The following RCBTB2 variants were observed in gnomAD, a reference collection of about 807,000 sequenced individuals.
RCBTB2 encodes the protein RCC1 and BTB domain-containing protein 2.
In RCBTB2, 55 loss-of-function variants were observed where a neutral mutation model predicts 65.4. The observed-to-expected ratio is 0.84, with a 90% confidence interval of 0.68 to 1.05. The LOEUF (loss-of-function observed/expected upper bound fraction) is 1.05, where lower values mean the gene tolerates loss of function less well. Among genes scored for constraint, RCBTB2 ranks in the 50% least tolerant of loss-of-function variants. RCBTB2 has a pLI of 0.00. For synonymous variants in RCBTB2, 220 were observed against 255.2 expected (o/e 0.86, Z 1.31); for missense variants, 599 against 680.1 (o/e 0.88, Z 1.33).
chr13:48,492,625 G>C (rs901389017), intron 14 of RCBTB2: 1 of 152,288 alleles, frequency 6.6e-6, no homozygotes, highest in Non-Finnish European at 1.5e-5. Flanking sequence ...TCAGTTCTCA[G>C]TCCTCGTGCA....
chr13:48,512,866 C>T lies in RCBTB2; in HGVS notation c.379G>A (p.Ala127Thr), dbSNP rs780168286. The T allele has an allele frequency of 6.2e-7, 1 of 1,613,032 alleles. No individual in the cohort carries two copies. Among genetic ancestry groups the T allele is most frequent in the Non-Finnish European group, 8.5e-7 (1 of 1,179,356 alleles). ...EGEVFTWGHN[A>T]YSQLGNGTTN... The stretch of plus-strand genomic sequence containing the variant: ...GTCCCATTGCCCAGCTGGCTATAAG[C>T]ATTATGACCCCAGGTAAAGACTTCT... Residue 127 changes from alanine to threonine, a missense_variant, in exon 7 of 15, where the codon GCT (alanine) becomes ACT (threonine). Coordinates refer to ENST00000344532, the MANE Select transcript of RCBTB2 (RefSeq NM_001268.4).
chr13:48,531,631 A>C (rs1952129340), intron 1 of RCBTB2, among the ~76,000 whole-genome samples: 1 of 152,174 alleles, frequency 6.6e-6, no homozygotes, highest in Non-Finnish European at 1.5e-5. Flanking sequence ...ATAAGGCCTG[A>C]GTGGTGGAAG....
intron 1 of RCBTB2, chr13:48,532,550 C>T: frequency 1.2e-5 from 2 of 163,612 alleles, no homozygotes; most frequent in South Asian, 2.1e-4. Flanking sequence ...AGGCAGGACG[C>T]TCCCTCGGGA....
Position 48,515,682 on chromosome 13 carries a change from A to G in RCBTB2, c.102T>C (p.Phe34=), listed in dbSNP as rs1566308112. Residue 34 remains phenylalanine (F), a synonymous_variant, in exon 5 of 15, where the codon TTT becomes TTC. Coordinates refer to ENST00000344532, the MANE Select transcript of RCBTB2 (RefSeq NM_001268.4). ...KMLDVGKWPI[F]SLCSEEELQL... ...GTAGTTCTTCTTCAGAACAAAGGGA[A>G]AAAATTGGCCACTTTCCCACATCTA... 1 of 1,614,212 alleles carries G rather than the reference A, an allele frequency of 6.2e-7. No individual in the cohort carries two copies. The highest frequency in any genetic ancestry group is 1.1e-5 in the South Asian group (1 of 91,072).
intron 1 of RCBTB2, among the ~76,000 whole-genome samples, chr13:48,528,339 T>C (rs766925368): frequency 1.3e-5 from 2 of 152,202 alleles, no homozygotes; most frequent in Non-Finnish European, 2.9e-5. Context: ...CAGTATTACA[T>C]ATTTTAAAAT....
chr13:48,514,037 TAGA>T (rs1566303387), intron 6 of RCBTB2, among the ~76,000 whole-genome samples: 1 of 152,262 alleles, frequency 6.6e-6, no homozygotes, highest in Non-Finnish European at 1.5e-5. Context: ...ATGTCACAGA[TAGA>T]AGATTTGTTC....
intron 13 of RCBTB2, among the ~76,000 whole-genome samples, chr13:48,499,403 A>G (rs1466366810): frequency 6.6e-6 from 1 of 152,150 alleles, no homozygotes; most frequent in Non-Finnish European, 1.5e-5. Context: ...GCTGCCTGCA[A>G]TGCTCCACGG....
At chr13:48,526,807 T>C (rs545497558) in intron 1 of RCBTB2, among the ~76,000 whole-genome samples, 1 of 151,948 alleles carries the variant, frequency 6.6e-6, no homozygotes, top group South Asian at 2.1e-4. Flanking sequence ...TCCCAGCTAC[T>C]TGGGAGGCTG....
intron 13 of RCBTB2, 59 bp from the exon 14 acceptor site, chr13:48,496,380 C>T: frequency 2.1e-6 from 3 of 1,450,878 alleles, no homozygotes; most frequent in South Asian, 1.4e-5. Flanking sequence ...TTTACAGTTG[C>T]TCACTCAGCC....
chr13:48,525,372 TGATATATATATATA>T lies in RCBTB2; in HGVS notation c.-218-629_-218-616del, dbSNP rs1186358233. 1.1e-3 allele frequency among the ~76,000 whole-genome samples: 73 copies of T among 67,544 alleles called. 1 individual carries two copies. Among genetic ancestry groups the T allele is most frequent in the African/African-American group, 3.5e-3 (67 of 19,324 alleles). 44.3% of individuals were successfully genotyped at this position (67,544 alleles called of 152,430 possible). The stretch of plus-strand genomic sequence containing the variant: ...AATTCAAAAGTGAGCAAAGGATTCA[TGATATATATATATA>T]TATATATATATATATATATATATAT... On this transcript the variant is annotated intron_variant, in intron 1 of 14. Coordinates refer to ENST00000344532, the MANE Select transcript of RCBTB2 (RefSeq NM_001268.4).
chr13:48,514,438 T>C (rs988665830), intron 6 of RCBTB2, among the ~76,000 whole-genome samples: 3 of 152,244 alleles, frequency 2.0e-5, no homozygotes, highest in Non-Finnish European at 4.4e-5. Context: ...CAACTGCAGG[T>C]AACTGAAACT....
Position 48,499,140 on chromosome 13 carries a change from A to T in RCBTB2, c.1384+481T>A, listed in dbSNP as rs572640701. 3.3e-3 allele frequency among the ~76,000 whole-genome samples: 471 copies of T among 142,408 alleles called. 7 individuals are homozygous for T. Among genetic ancestry groups the T allele is most frequent in the African/African-American group, 0.013 (453 of 35,588 alleles). 93.4% of individuals were successfully genotyped at this position (142,408 alleles called of 152,430 possible). ...CACACACACACACACACACACACAC[A>T]CACTCTCTCTCTCTCTCTCTCTCTC... On this transcript the variant is annotated intron_variant, in intron 13 of 14. Transcript: ENST00000344532.
rs1484887194 is a variant in RCBTB2 at position 48,490,188 on chromosome 13, C to T, written c.1579G>A (p.Gly527Ser). ...NHLTVVTQTSGFAEMDHDLLK... is the reference protein window; with the variant it reads ...NHLTVVTQTSSFAEMDHDLLK... ...AGATCATGGTCCATTTCTGCAAAAC[C>T]TGATGTTTGTGTTACTACAGTCAGA... Residue 527 changes from glycine to serine, a missense_variant, in exon 15 of 15, where the codon GGT becomes AGT. Transcript: ENST00000344532. 6.2e-7 allele frequency: 1 copy of T among 1,613,836 alleles called. No homozygotes were observed. Among genetic ancestry groups the T allele is most frequent in the Non-Finnish European group, 8.5e-7 (1 of 1,179,858 alleles).
At chr13:48,514,190 G>A (rs1210982166) in intron 6 of RCBTB2, among the ~76,000 whole-genome samples, 1 of 152,114 alleles carries the variant, frequency 6.6e-6, no homozygotes, top group African/African-American at 2.4e-5. Context: ...AGTAAAATAA[G>A]GGTGACTTGA....
chr13:48,502,966 G>A (rs557403314), intron 10 of RCBTB2, 52 bp from the exon 11 acceptor site: 2 of 1,474,942 alleles, frequency 1.4e-6, no homozygotes, highest in South Asian at 2.7e-5. Context: ...GCAGAAACAA[G>A]TTGGGTCCTC....
At chr13:48,524,480 T>C (rs551048528) in intron 2 of RCBTB2, among the ~76,000 whole-genome samples, 179 bp downstream of exon 2, 80 of 152,326 alleles carry the variant, frequency 5.3e-4, no homozygotes, top group Non-Finnish European at 1.0e-3. Context: ...ACGTGACCAA[T>C]AGTCACCAAC....
Position 48,512,909 on chromosome 13 carries a change from G to A in RCBTB2, c.350-14C>T. The A allele has an allele frequency of 6.3e-7, 1 of 1,596,618 alleles. No individual in the cohort carries two copies. The highest frequency in any genetic ancestry group is 1.3e-5 in the African/African-American group (1 of 74,396). ...AGACTTCTCCTTCTGAAAATAAAAA[G>A]AAAGACAATCAGTTTTTTACAACAT... is the stretch of plus-strand genomic sequence containing the variant. On this transcript the variant is annotated splice_polypyrimidine_tract_variant and intron_variant, in intron 6 of 14. Coordinates refer to ENST00000344532, the MANE Select transcript of RCBTB2 (RefSeq NM_001268.4).
intron 13 of RCBTB2, among the ~76,000 whole-genome samples, chr13:48,497,973 G>A (rs1950052240): frequency 6.6e-6 from 1 of 152,204 alleles, no homozygotes; most frequent in Non-Finnish European, 1.5e-5. Context: ...GGTGGCTAAG[G>A]AGCCACATGC....
chr13:48,512,352 T>C (rs1950849732), intron 7 of RCBTB2, among the ~76,000 whole-genome samples, 178 bp from the exon 8 acceptor site: 1 of 152,236 alleles, frequency 6.6e-6, no homozygotes, highest in African/African-American at 2.4e-5. Context: ...GTACATGATT[T>C]TATACAATTA....
Sources: gnomAD v4.1 joint callset for allele counts (sites outside exome capture counted in the v4.1 genomes callset) on GRCh38, gnomAD v4.1.1 for gene constraint, MANE v1.5 for transcripts, NCBI Gene and HGNC (gene_info 2026-07-23, HGNC 2026-07-21) for gene names.